NBAS: variants seen among roughly 807,000 people sequenced by gnomAD.
The protein encoded by NBAS is NAG/BC035112 fusion.
A neutral mutation model predicts 302.5 loss-of-function variants in NBAS; 219 were observed. The ratio of observed to expected loss-of-function variants is 0.72; its 90% CI spans 0.65 to 0.81. NBAS has a LOEUF of 0.81. NBAS is among the 30% of genes least tolerant of loss of function. The probability of loss-of-function intolerance (pLI) is 0.00; values close to 1 mark genes in which losing one functional copy is unlikely to be tolerated. For synonymous variants in NBAS, 1,118 were observed against 1,021.6 expected, an observed-to-expected ratio of 1.09 and a Z score of -1.80; for missense variants, 2,932 against 2,841.6, an observed-to-expected ratio of 1.03 and a Z score of -0.72.
the NBAS span, among the ~76,000 whole-genome samples, chr2:14,917,890 A>G: frequency 0.087 from 13,249 of 152,232 alleles, 649 homozygotes; most frequent in African/African-American, 0.11. Context: ...AAAGGCACTC[A>G]ATTTCTTTCT....
chr2:15,207,309 C>T (rs1181571524), intron 48 of NBAS, among the ~76,000 whole-genome samples: 1 of 152,178 alleles, frequency 6.6e-6, no homozygotes, highest in East Asian at 1.9e-4. Flanking sequence ...GGAATGAGGG[C>T]ATTTACCCAA....
At position 15,353,659 on chromosome 2, in the gene NBAS, T is replaced by C; in HGVS notation, c.3983A>G (p.Tyr1328Cys). 1.2e-6 allele frequency: 2 copies of C among 1,614,106 alleles called. No individual in the cohort carries two copies. The highest frequency in any genetic ancestry group is 1.7e-5 in the Admixed American group (1 of 60,020). ...CTCTTGACGAGTGGCCAAGTCCTGG[T>C]AACCTTCTGATTGTCCTAACTGGCT... ...VCSQLGQSEG[Y>C]QDLATRQELM... Residue 1328 changes from tyrosine to cysteine, a missense_variant, in exon 34 of 52, where the codon TAC becomes TGC. Transcript: ENST00000281513.
rs1016425034 is a variant in NBAS at position 15,308,104 on chromosome 2, A to G, written c.4797+112T>C. The stretch of plus-strand genomic sequence containing the variant: ...CCAAGAGCTGCCTGCCACTTGGAAT[A>G]CATTCTGGATACATATGTAATCAGT... On this transcript the variant is annotated intron_variant, in intron 40 of 51. Coordinates refer to ENST00000281513, the MANE Select transcript of NBAS (RefSeq NM_015909.4). 2.0e-6 allele frequency: 3 copies of G among 1,512,038 alleles called. No individual in the cohort carries two copies. In the African/African-American group the frequency reaches 4.1e-5, roughly 21 times the overall value. 93.7% of individuals were successfully genotyped at this position (1,512,038 alleles called of 1,614,324 possible). A position where few individuals can be genotyped will look rare whatever the true frequency, so the allele number is the denominator to read the frequency against.
intron 25 of NBAS, among the ~76,000 whole-genome samples, chr2:15,414,131 A>C (rs945437005): frequency 6.6e-6 from 1 of 152,244 alleles, no homozygotes; most frequent in Non-Finnish European, 1.5e-5. Flanking sequence ...CAGATTACTA[A>C]GAGCAAACTG....
chr2:15,280,887 T>G (rs1466978302), intron 42 of NBAS, among the ~76,000 whole-genome samples: 1 of 152,182 alleles, frequency 6.6e-6, no homozygotes, highest in Non-Finnish European at 1.5e-5. Flanking sequence ...CATAAATGCC[T>G]CAGGATGACC....
At chr2:15,152,988 G>A in the NBAS span, among the ~76,000 whole-genome samples, 1 of 152,234 alleles carries the variant, frequency 6.6e-6, no homozygotes, top group Non-Finnish European at 1.5e-5. Flanking sequence ...AGGCAGGAGA[G>A]AAATTAGAGA....
intron 44 of NBAS, among the ~76,000 whole-genome samples, chr2:15,251,238 A>T (rs541312116): frequency 6.6e-6 from 1 of 152,328 alleles, no homozygotes; most frequent in South Asian, 2.1e-4. Context: ...GTTCTCACTT[A>T]TAAGTGGGAG....
chr2:15,252,644 G>A (rs1049143082), intron 44 of NBAS, among the ~76,000 whole-genome samples: 3 of 151,886 alleles, frequency 2.0e-5, no homozygotes, highest in African/African-American at 4.8e-5. Flanking sequence ...AAAAATCAGG[G>A]TTTACAAACA....
chr2:15,240,108 A>AT (rs937479705), intron 44 of NBAS, among the ~76,000 whole-genome samples: 3 of 152,028 alleles, frequency 2.0e-5, no homozygotes, highest in South Asian at 2.1e-4. Context: ...GGACGTGTTG[A>AT]TTTTTTTGTT....
At chr2:15,500,521 C>CAT (rs1243684369) in intron 11 of NBAS, among the ~76,000 whole-genome samples, 1 of 151,390 alleles carries the variant, frequency 6.6e-6, no homozygotes, top group Non-Finnish European at 1.5e-5. Flanking sequence ...CACACACACA[C>CAT]ACACACACAC....
the NBAS span, among the ~76,000 whole-genome samples, chr2:14,898,128 C>T: frequency 6.6e-6 from 1 of 152,162 alleles, no homozygotes; most frequent in African/African-American, 2.4e-5. Flanking sequence ...TTTGCCTTTG[C>T]TTATATTTCT....
chr2:14,849,681 A>G, the NBAS span, among the ~76,000 whole-genome samples: 1 of 140,336 alleles, frequency 7.1e-6, no homozygotes, highest in Admixed American at 6.7e-5. Flanking sequence ...AGCCAGAGAG[A>G]AAGGTCGGGT....
At chr2:15,398,450 A>G (rs1675984051) in intron 26 of NBAS, among the ~76,000 whole-genome samples, 1 of 152,122 alleles carries the variant, frequency 6.6e-6, no homozygotes, top group South Asian at 2.1e-4. Flanking sequence ...AATATTTTTG[A>G]AATTATCATT....
At chr2:15,187,624 C>CAT (rs1023443990) in intron 49 of NBAS, among the ~76,000 whole-genome samples, 21 of 152,138 alleles carry the variant, frequency 1.4e-4, no homozygotes, top group African/African-American at 5.1e-4. Context: ...TTCATAGAAA[C>CAT]ATCAAAATTT....
chr2:14,946,998 T>C, the NBAS span, among the ~76,000 whole-genome samples: 8 of 151,920 alleles, frequency 5.3e-5, no homozygotes, highest in Non-Finnish European at 4.4e-5. Context: ...ACATACCAAA[T>C]CTATGAAATA....
intron 9 of NBAS, among the ~76,000 whole-genome samples, chr2:15,511,711 A>G (rs1367954873): frequency 2.0e-5 from 3 of 152,184 alleles, no homozygotes; most frequent in Non-Finnish European, 4.4e-5. Flanking sequence ...AATTATGGCA[A>G]TGTATCTGAT....
At chr2:14,791,736 G>A in the NBAS span, among the ~76,000 whole-genome samples, 798 of 151,948 alleles carry the variant, frequency 5.3e-3, 4 homozygotes, top group African/African-American at 0.018. Flanking sequence ...TCCAGGAGGC[G>A]GAGGTGGCAG....
intron 15 of NBAS, among the ~76,000 whole-genome samples, chr2:15,473,725 A>C (rs1680061158): frequency 6.6e-6 from 1 of 152,162 alleles, no homozygotes; most frequent in Admixed American, 6.5e-5. Context: ...CTGGACTAGA[A>C]AGCAAGTCTG....
At chr2:15,018,659 C>A in the NBAS span, among the ~76,000 whole-genome samples, 1 of 151,864 alleles carries the variant, frequency 6.6e-6, no homozygotes, top group Non-Finnish European at 1.5e-5. Flanking sequence ...ATCCACCTGA[C>A]TTTTAATCAT....
Sources: gnomAD v4.1 joint callset for allele counts (sites outside exome capture counted in the v4.1 genomes callset) on GRCh38, gnomAD v4.1.1 for gene constraint, MANE v1.5 for transcripts, NCBI Gene and HGNC (gene_info 2026-07-23, HGNC 2026-07-21) for gene names.